RREB1: variants seen among roughly 807,000 people sequenced by gnomAD.
The protein encoded by RREB1 is ras-responsive element-binding protein 1.
A neutral mutation model predicts 117.8 loss-of-function variants in RREB1; 27 were observed. The ratio of observed to expected loss-of-function variants is 0.23; its 90% CI spans 0.17 to 0.32. The LOEUF is 0.32. Ranked by LOEUF, RREB1 falls within the 10% of genes least tolerant of loss-of-function variation. RREB1 has a pLI of 1.00. For missense variants in RREB1, 2,577 were observed against 2,378.2 expected, an observed-to-expected ratio of 1.08 and a Z score of -1.74; for synonymous variants, 1,298 against 1,026.7, an observed-to-expected ratio of 1.26 and a Z score of -5.05.
At chr6:7,130,674 T>TG (rs1181068456) in intron 1 of RREB1, among the ~76,000 whole-genome samples, 1 of 151,786 alleles carries the variant, frequency 6.6e-6, no homozygotes, top group Non-Finnish European at 1.5e-5. Context: ...TGGAGTGCCA[T>TG]GGCGTGATCT....
chr6:7,230,008 G>T lies in RREB1; in HGVS notation c.1909G>T (p.Ala637Ser). ...MTAPGGKKTP[A>S]MRKVLYPCRF... ...AGCGCCCGGCGGCAAGAAGACGCCC[G>T]CCATGCGCAAGGTGCTCTACCCCTG... is the stretch of plus-strand genomic sequence containing the variant. The change falls in exon 10 of 13, where the codon GCC becomes TCC. Residue 637 changes from alanine (A) to serine (S), a missense_variant. Physicochemically the swap from Ala to Ser is moderately conservative, Grantham distance 99 (BLOSUM62 1). Transcript: ENST00000379938. The T allele has an allele frequency of 6.2e-7, 1 of 1,608,854 alleles. No homozygotes were observed. Among genetic ancestry groups the T allele is most frequent in the African/African-American group, 1.3e-5 (1 of 74,912 alleles).
intron 1 of RREB1, chr6:7,139,113 C>T (rs998779576): frequency 1.3e-5 from 2 of 152,216 alleles, no homozygotes; most frequent in Non-Finnish European, 2.9e-5. Context: ...GCCCTGCCTG[C>T]CTGGTACTGG....
At chr6:7,241,371 C>T (rs1218835226) in intron 11 of RREB1, among the ~76,000 whole-genome samples, 1 of 152,180 alleles carries the variant, frequency 6.6e-6, no homozygotes, top group Admixed American at 6.5e-5. Context: ...AAAACGAAAG[C>T]CAGCCTGCTG....
chr6:7,212,833 A>G (rs542791097), intron 8 of RREB1: 1 of 152,360 alleles, frequency 6.6e-6, no homozygotes, highest in South Asian at 2.1e-4. Context: ...TCCAAATTGT[A>G]CAGTAACTTG....
At chr6:7,142,790 C>T (rs1361597615) in intron 1 of RREB1, among the ~76,000 whole-genome samples, 4 of 152,252 alleles carry the variant, frequency 2.6e-5, no homozygotes, top group Non-Finnish European at 4.4e-5. Context: ...CCTCTTTCCA[C>T]TTTGAGACTT....
chr6:7,152,224 T>G (rs1300618720), intron 1 of RREB1, among the ~76,000 whole-genome samples: 1 of 152,242 alleles, frequency 6.6e-6, no homozygotes, highest in Non-Finnish European at 1.5e-5. Flanking sequence ...AGGGAACCTC[T>G]CTCAGTGTTA....
At chr6:7,118,244 C>T (rs900345931) in intron 1 of RREB1, among the ~76,000 whole-genome samples, 1 of 152,172 alleles carries the variant, frequency 6.6e-6, no homozygotes, top group African/African-American at 2.4e-5. Context: ...CCTCAGCCTC[C>T]TGAGTAGCTG....
At chr6:7,119,029 A>G (rs561318712) in intron 1 of RREB1, among the ~76,000 whole-genome samples, 2 of 152,128 alleles carry the variant, frequency 1.3e-5, no homozygotes, top group East Asian at 1.9e-4. Flanking sequence ...ATGCAAGGCT[A>G]CTGTGTTAAG....
chr6:7,211,338 A>AGATG (rs555086914), intron 7 of RREB1, among the ~76,000 whole-genome samples: 42,199 of 118,136 alleles, frequency 0.36, 7,822 homozygotes, highest in Middle Eastern at 0.49. Context: ...ATGGATGGAC[A>AGATG]GATGGATGGA....
intron 11 of RREB1, among the ~76,000 whole-genome samples, chr6:7,242,705 G>GT (rs998288263): frequency 1.3e-5 from 2 of 151,136 alleles, no homozygotes; most frequent in African/African-American, 2.4e-5. Context: ...AAAAAAGGGG[G>GT]GGGGGGAAGG....
intron 1 of RREB1, among the ~76,000 whole-genome samples, chr6:7,111,247 C>G (rs1761130622): frequency 6.6e-6 from 1 of 152,142 alleles, no homozygotes; most frequent in Non-Finnish European, 1.5e-5. Flanking sequence ...TGCGTTATTC[C>G]ACTTCTGAGG....
intron 6 of RREB1, among the ~76,000 whole-genome samples, chr6:7,205,990 T>C (rs1213159531): frequency 2.0e-5 from 3 of 152,250 alleles, no homozygotes; most frequent in Non-Finnish European, 2.9e-5. Context: ...CGTTCATCAC[T>C]GTAAAAGCCT....
At position 7,181,962 on chromosome 6, in the gene RREB1, C is replaced by T; in HGVS notation, c.51C>T (p.Ile17=). 1 of 1,614,190 alleles carries T rather than the reference C, an allele frequency of 6.2e-7. No individual in the cohort carries two copies. Among genetic ancestry groups the T allele is most frequent in the Non-Finnish European group, 8.5e-7 (1 of 1,179,992 alleles). ...AGLEGSDLSS[I]NTMMSAVMSV... ...TGGAAGGTTCAGACCTATCTTCCAT[C>T]AACACCATGATGTCGGCGGTCATGA... The change falls in exon 4 of 13, where the codon ATC becomes ATT. Residue 17 remains isoleucine, a synonymous_variant. Coordinates refer to ENST00000379938, the MANE Select transcript of RREB1 (RefSeq NM_001003699.4).
chr6:7,222,074 G>A (rs570587697), intron 8 of RREB1, among the ~76,000 whole-genome samples: 1 of 152,318 alleles, frequency 6.6e-6, no homozygotes, highest in East Asian at 1.9e-4. Context: ...GGAGAGAAGT[G>A]ACAAAGATGA....
intron 6 of RREB1, among the ~76,000 whole-genome samples, chr6:7,197,612 G>A (rs895583885): frequency 6.6e-6 from 1 of 152,242 alleles, no homozygotes; most frequent in African/African-American, 2.4e-5. Context: ...GCTGCAGTGA[G>A]CTGAGATCAC....
chr6:7,169,658 T>C (rs1466933184), intron 1 of RREB1, among the ~76,000 whole-genome samples: 2 of 152,120 alleles, frequency 1.3e-5, no homozygotes, highest in African/African-American at 4.8e-5. Flanking sequence ...CAGGAAGACA[T>C]GCTCCCTGGA....
intron 10 of RREB1, among the ~76,000 whole-genome samples, chr6:7,233,370 T>G (rs1768117961): frequency 6.6e-6 from 1 of 152,218 alleles, no homozygotes; most frequent in African/African-American, 2.4e-5. Flanking sequence ...AGTCTCAGTA[T>G]TCAGTGATTT....
At chr6:7,144,234 CAAA>C (rs942934544) in intron 1 of RREB1, among the ~76,000 whole-genome samples, 2 of 151,896 alleles carry the variant, frequency 1.3e-5, no homozygotes, top group African/African-American at 4.8e-5. Flanking sequence ...GTTCTCATAA[CAAA>C]AAATAAATAT....
Position 7,163,315 on chromosome 6 carries a change from C to A in RREB1, c.-284-13340C>A, listed in dbSNP as rs145070889. 1.6e-4 allele frequency among the ~76,000 whole-genome samples: 25 copies of A among 152,264 alleles called. No individual in the cohort carries two copies. The East Asian group carries it at 4.6e-3, about 28-fold the overall frequency. On this transcript the variant is annotated intron_variant, in intron 1 of 12. Coordinates refer to ENST00000379938, the MANE Select transcript of RREB1 (RefSeq NM_001003699.4). The stretch of plus-strand genomic sequence containing the variant: ...GAAGTCACTGGCCTCTGAAATACTT[C>A]GTGGAAATGTGTTAGTTCCCATTCT...
Sources: allele counts gnomAD v4.1 joint callset (sites outside exome capture counted in the v4.1 genomes callset), GRCh38; gene constraint gnomAD v4.1.1; transcripts MANE v1.5; gene names NCBI Gene and HGNC (gene_info 2026-07-23, HGNC 2026-07-21).